Variants in AP3B1 observed in about 807,000 individuals in gnomAD.
The protein encoded by AP3B1 is adaptor related protein complex 3 subunit beta 1.
AP3B1 carries 61 observed loss-of-function variants against 132.5 expected under a neutral mutation model. The ratio of observed to expected loss-of-function variants is 0.46; its 90% CI spans 0.37 to 0.57. The LOEUF is 0.57. AP3B1 is among the 20% of genes least tolerant of loss of function. AP3B1 has a pLI of 0.00. For missense variants in AP3B1, 1,120 were observed against 1,289.4 expected, an observed-to-expected ratio of 0.87 and a Z score of 2.01; for synonymous variants, 388 against 438.3, an observed-to-expected ratio of 0.89 and a Z score of 1.43.
In AP3B1 at chr5:78,191,354, C is replaced by CAAAAAA. The variant is rs34733864; in HGVS notation, c.787-9698_787-9693dup. Among the ~76,000 whole-genome samples the CAAAAAA allele has an allele frequency of 6.6e-3, 480 of 72,794 alleles. 14 individuals are homozygous for CAAAAAA. The highest frequency in any genetic ancestry group is 0.025 in the African/African-American group (457 of 18,344). The allele number at this position is 72,794 out of a possible 152,430, so 47.8% of individuals were successfully genotyped here. A position where few individuals can be genotyped will look rare whatever the true frequency, so the allele number is the denominator to read the frequency against. On this transcript the variant is annotated intron_variant, in intron 7 of 26. Coordinates refer to ENST00000255194, the MANE Select transcript of AP3B1 (RefSeq NM_003664.5). ...ATTGGCTTTTGGAATTGCTTTTCCC[C>CAAAAAA]AAAAAAAAAAAAAAAAAAAAAAAGG...
chr5:78,283,877 A>G (rs773215176), intron 1 of AP3B1, among the ~76,000 whole-genome samples: 42 of 152,190 alleles, frequency 2.8e-4, no homozygotes, highest in Admixed American at 2.0e-3. Context: ...AGCACTCCTT[A>G]CTGTGCAAAC....
chr5:78,128,251 T>C (rs1752547897), intron 16 of AP3B1, 91 bp from the exon 17 acceptor site: 2 of 1,168,634 alleles, frequency 1.7e-6, no homozygotes, highest in Non-Finnish European at 2.4e-6. Context: ...AATTGGCATA[T>C]TACCTCAAAT....
intron 7 of AP3B1, among the ~76,000 whole-genome samples, chr5:78,194,285 C>T (rs2112440136): frequency 6.6e-6 from 1 of 152,016 alleles, no homozygotes; most frequent in South Asian, 2.1e-4. Context: ...ATAAAAGACA[C>T]AATTTTAAAA....
intron 2 of AP3B1, 52 bp downstream of exon 2, chr5:78,267,468 A>T: frequency 1.0e-6 from 1 of 958,028 alleles, no homozygotes. Context: ...TAATAATATG[A>T]TCACTGCTTG....
intron 22 of AP3B1, among the ~76,000 whole-genome samples, chr5:78,086,648 G>T (rs1262717247): frequency 6.6e-6 from 1 of 152,144 alleles, no homozygotes; most frequent in Non-Finnish European, 1.5e-5. Context: ...TGAAGGCCAG[G>T]AATGCTAGAT....
At chr5:78,152,207 G>A (rs1753703610) in intron 14 of AP3B1, among the ~76,000 whole-genome samples, 1 of 148,608 alleles carries the variant, frequency 6.7e-6, no homozygotes, top group Non-Finnish European at 1.5e-5. Context: ...GAATGAATTT[G>A]GAAGTATTCC....
chr5:78,289,641 T>C (rs1749426023), intron 1 of AP3B1, among the ~76,000 whole-genome samples: 1 of 152,214 alleles, frequency 6.6e-6, no homozygotes, highest in South Asian at 2.1e-4. Context: ...ACTCCTGACA[T>C]AGCTGAACAT....
intron 22 of AP3B1, 114 bp downstream of exon 22, chr5:78,089,279 T>G: frequency 1.2e-6 from 1 of 806,448 alleles, no homozygotes; most frequent in Non-Finnish European, 2.1e-6. Flanking sequence ...GGGCTTGTTC[T>G]TAGAGAAGAA....
intron 1 of AP3B1, among the ~76,000 whole-genome samples, chr5:78,284,739 CCTGTAT>C (rs1246986096): frequency 6.6e-6 from 1 of 152,082 alleles, no homozygotes; most frequent in Non-Finnish European, 1.5e-5. Context: ...TTTCAGCTAA[CCTGTAT>C]CTGTAAGTTT....
intron 22 of AP3B1, among the ~76,000 whole-genome samples, chr5:78,085,640 AATTT>A (rs566074314): frequency 1.8e-4 from 27 of 152,298 alleles, no homozygotes; most frequent in Admixed American, 1.2e-3. Flanking sequence ...TTATAGTAAT[AATTT>A]GTTTTAAAAA....
At chr5:78,099,890 G>A (rs1751057835) in intron 21 of AP3B1, among the ~76,000 whole-genome samples, 1 of 151,912 alleles carries the variant, frequency 6.6e-6, no homozygotes, top group Non-Finnish European at 1.5e-5. Context: ...TTCCGTCTCG[G>A]GGGGCGGGGA....
At chr5:78,127,814 A>G (rs1752522653) in intron 17 of AP3B1, among the ~76,000 whole-genome samples, 1 of 152,156 alleles carries the variant, frequency 6.6e-6, no homozygotes, top group African/African-American at 2.4e-5. Flanking sequence ...TCAGTTCTCT[A>G]TTTCCTTGAA....
At chr5:78,181,873 T>C (rs1348929264) in intron 7 of AP3B1, among the ~76,000 whole-genome samples, 2 of 152,332 alleles carry the variant, frequency 1.3e-5, no homozygotes, top group Middle Eastern at 3.4e-3. Flanking sequence ...GTGCTATAGA[T>C]GATGTGCTTC....
At chr5:78,088,100 G>A (rs1750343562) in intron 22 of AP3B1, among the ~76,000 whole-genome samples, 1 of 152,148 alleles carries the variant, frequency 6.6e-6, no homozygotes, top group Admixed American at 6.5e-5. Flanking sequence ...GCCAACCAAG[G>A]TTTTAGGGAC....
At chr5:78,013,870 A>C (rs1449196918) in intron 26 of AP3B1, among the ~76,000 whole-genome samples, 1 of 152,178 alleles carries the variant, frequency 6.6e-6, no homozygotes, top group Non-Finnish European at 1.5e-5. Context: ...TCAAAAACTA[A>C]GAAATGAAAG....
intron 13 of AP3B1, among the ~76,000 whole-genome samples, chr5:78,158,866 T>G (rs1222512383): frequency 6.6e-6 from 1 of 152,098 alleles, no homozygotes; most frequent in Non-Finnish European, 1.5e-5. Context: ...CCAGCTAATT[T>G]TTTGTATTTT....
In AP3B1 at chr5:78,247,412, T is replaced by G. The variant is rs555881213; in HGVS notation, c.205-6476A>C. Among the ~76,000 whole-genome samples the G allele has an allele frequency of 7.3e-5, 11 of 151,394 alleles. No individual in the cohort carries two copies. The South Asian group carries it at 1.2e-3, about 17-fold the overall frequency. On this transcript the variant is annotated intron_variant, in intron 2 of 26. Coordinates refer to ENST00000255194, the MANE Select transcript of AP3B1 (RefSeq NM_003664.5). ...TTATTCTAGTCTTAAATTTCCTTAT[T>G]GGTTTTCTATCTCCCTATTCTATTG...
chr5:78,176,160 T>C (rs1316980855), intron 9 of AP3B1, among the ~76,000 whole-genome samples: 3 of 152,144 alleles, frequency 2.0e-5, no homozygotes, highest in Non-Finnish European at 2.9e-5. Flanking sequence ...TAGGGGTAGA[T>C]AGGACCACAC....
At chr5:78,095,075 T>C (rs558221892) in intron 21 of AP3B1, among the ~76,000 whole-genome samples, 1 of 152,350 alleles carries the variant, frequency 6.6e-6, no homozygotes, top group Non-Finnish European at 1.5e-5. Context: ...TGTGCATTTC[T>C]CCTCATTTCA....
Sources: allele counts gnomAD v4.1 joint callset (sites outside exome capture counted in the v4.1 genomes callset), GRCh38; gene constraint gnomAD v4.1.1; transcripts MANE v1.5; gene names NCBI Gene and HGNC (gene_info 2026-07-23, HGNC 2026-07-21).